The following WNT3 variants were observed in gnomAD, a reference collection of about 807,000 sequenced individuals.
The protein encoded by WNT3 is proto-oncogene Wnt-3.
WNT3 carries 7 observed loss-of-function variants against 34.2 expected under a neutral mutation model. The ratio of observed to expected loss-of-function variants is 0.20; its 90% CI spans 0.12 to 0.38. The LOEUF (loss-of-function observed/expected upper bound fraction) is 0.38, where lower values mean the gene tolerates loss of function less well. Ranked by LOEUF, WNT3 falls within the 10% of genes least tolerant of loss-of-function variation. The pLI, the probability that WNT3 is intolerant of heterozygous loss-of-function variation, is 1.00. For synonymous variants in WNT3, 212 were observed against 211.5 expected, an observed-to-expected ratio of 1.00 and a Z score of -0.02; for missense variants, 267 against 499.8, an observed-to-expected ratio of 0.53 and a Z score of 4.44.
chr17:46,779,103 A>ACACACACACACACACACAC (rs749719578), intron 1 of WNT3, among the ~76,000 whole-genome samples: 49 of 133,656 alleles, frequency 3.7e-4, no homozygotes, highest in African/African-American at 1.3e-3. Flanking sequence ...ACACACACAC[A>ACACACACACACACACACAC]CCCCAGCCCA....
chr17:46,791,692 T>A (rs1048160216), intron 1 of WNT3, among the ~76,000 whole-genome samples: 1 of 152,226 alleles, frequency 6.6e-6, no homozygotes, highest in Non-Finnish European at 1.5e-5. Context: ...CTTACATTCA[T>A]CACAGAAGTA....
intron 1 of WNT3, among the ~76,000 whole-genome samples, chr17:46,780,805 C>A (rs1265704236): frequency 6.6e-6 from 1 of 151,874 alleles, no homozygotes; most frequent in African/African-American, 2.4e-5. Flanking sequence ...ATGGGGACTC[C>A]AACAGACACC....
At chr17:46,812,193 G>T (rs2084284876) in intron 1 of WNT3, among the ~76,000 whole-genome samples, 1 of 152,060 alleles carries the variant, frequency 6.6e-6, no homozygotes, top group African/African-American at 2.4e-5. Context: ...CTCTCACTGA[G>T]AGCAGGGAAT....
intron 1 of WNT3, among the ~76,000 whole-genome samples, chr17:46,815,960 G>A (rs946586401): frequency 3.9e-5 from 6 of 152,214 alleles, no homozygotes; most frequent in Non-Finnish European, 7.4e-5. Flanking sequence ...GATCACAGGC[G>A]GACTCAGACA....
At chr17:46,771,434 C>A (rs1322441280) in intron 2 of WNT3, among the ~76,000 whole-genome samples, 2 of 150,830 alleles carry the variant, frequency 1.3e-5, no homozygotes, top group African/African-American at 4.8e-5. Context: ...CCTGCGGCCT[C>A]TCGCGGCGGC....
intron 1 of WNT3, 134 bp from the exon 2 acceptor site, chr17:46,774,043 A>C: frequency 7.6e-7 from 1 of 1,307,402 alleles, no homozygotes; most frequent in South Asian, 1.3e-5. Context: ...TGAATGTGCT[A>C]CCTTTGACCT....
intron 1 of WNT3, among the ~76,000 whole-genome samples, chr17:46,790,198 T>C (rs2146421104): frequency 6.6e-6 from 1 of 152,298 alleles, no homozygotes; most frequent in East Asian, 1.9e-4. Context: ...GCTTTAGCTC[T>C]GTCCTCTCCT....
At chr17:46,816,843 C>T (rs920814719) in intron 1 of WNT3, among the ~76,000 whole-genome samples, 2 of 152,202 alleles carry the variant, frequency 1.3e-5, no homozygotes, top group Admixed American at 1.3e-4. Context: ...AGGCGAAAAA[C>T]GGCATGGCCT....
rs1428067168 is a variant in WNT3, at chr17:46,770,019, T to C, written c.352A>G (p.Ile118Val). The change falls in exon 3 of 5, where the codon ATC becomes GTC. Residue 118 changes from isoleucine (I) to valine (V), a missense_variant. Around this residue, in one of 3 missense-constraint regions of WNT3, gnomAD observed 181 missense variants for 391.3 expected, o/e 0.46. Coordinates refer to ENST00000225512, the MANE Select transcript of WNT3 (RefSeq NM_030753.5). ...ATRESAFVHA[I>V]ASAGVAFAVT... ...GCGAAGGCCACGCCGGCCGAGGCGA[T>C]GGCGTGAACGAAGGCCGACTCGCGG... is the stretch of plus-strand genomic sequence containing the variant. 1 of 1,579,308 alleles carries C rather than the reference T, an allele frequency of 6.3e-7. No homozygotes were observed. Among genetic ancestry groups the C allele is most frequent in the African/African-American group, 1.3e-5 (1 of 74,434 alleles).
chr17:46,811,963 AAAAG>A (rs985266456), intron 1 of WNT3, among the ~76,000 whole-genome samples: 2 of 152,222 alleles, frequency 1.3e-5, no homozygotes, highest in African/African-American at 2.4e-5. Context: ...TTTCAAGAAA[AAAAG>A]AAAGAAAGAA....
At chr17:46,765,619 T>C (rs1312990919) in intron 4 of WNT3, among the ~76,000 whole-genome samples, 2 of 152,370 alleles carry the variant, frequency 1.3e-5, no homozygotes, top group Admixed American at 6.5e-5. Flanking sequence ...CTGCCATCCC[T>C]GCCAGTGCAT....
rs566495281 is a variant in WNT3 at position 46,793,557 on chromosome 17, G to T, written c.81-19648C>A. Among the ~76,000 whole-genome samples, 20 of 152,316 alleles carry T rather than the reference G, an allele frequency of 1.3e-4. No individual in the cohort carries two copies. The South Asian group carries it at 2.1e-3, about 16-fold the overall frequency. On this transcript the variant is annotated intron_variant, in intron 1 of 4. Transcript: ENST00000225512. ...ACCCACGCCCAAGGCATTGCAGGAG[G>T]AGAGGAGACCCCCGACCTGAGGGCT...
chr17:46,801,209 C>T (rs1251619832), intron 1 of WNT3, among the ~76,000 whole-genome samples: 1 of 152,210 alleles, frequency 6.6e-6, no homozygotes, highest in African/African-American at 2.4e-5. Flanking sequence ...GGCCCATGTG[C>T]TTACCCATGT....
chr17:46,787,172 C>A (rs2059513944), intron 1 of WNT3, among the ~76,000 whole-genome samples: 1 of 152,064 alleles, frequency 6.6e-6, no homozygotes, highest in South Asian at 2.1e-4. Context: ...AACTCCTGGG[C>A]CCAAGCAATC....
intron 1 of WNT3, among the ~76,000 whole-genome samples, chr17:46,817,448 G>T (rs890993438): frequency 6.6e-6 from 1 of 152,218 alleles, no homozygotes; most frequent in Non-Finnish European, 1.5e-5. Context: ...AATGTAGGGG[G>T]CTGGAGACTG....
In WNT3 at chr17:46,797,238, A is replaced by G. The variant is rs1011036; in HGVS notation, c.80+21280T>C. Among the ~76,000 whole-genome samples the G allele has an allele frequency of 5.8e-3, 877 of 152,314 alleles. 7 individuals are homozygous for G. The highest frequency in any genetic ancestry group is 7.3e-3 in the Non-Finnish European group (498 of 68,036). On this transcript the variant is annotated intron_variant, in intron 1 of 4. Transcript: ENST00000225512. ...AACAGGATTATGTGGGGCTGATGTT[A>G]TAAGAAACACACTATGCGATGTCCT...
intron 1 of WNT3, among the ~76,000 whole-genome samples, chr17:46,814,268 T>C (rs142400306): frequency 6.6e-6 from 1 of 152,330 alleles, no homozygotes; most frequent in African/African-American, 2.4e-5. Flanking sequence ...GCCATCCACA[T>C]ACATATTACA....
intron 1 of WNT3, among the ~76,000 whole-genome samples, chr17:46,811,720 C>T (rs1000013309): frequency 1.3e-5 from 2 of 152,206 alleles, no homozygotes; most frequent in East Asian, 1.9e-4. Context: ...TTTGGGAGGC[C>T]GAGGCGGGTG....
chr17:46,808,148 G>A (rs1486388950), intron 1 of WNT3, among the ~76,000 whole-genome samples: 1 of 152,212 alleles, frequency 6.6e-6, no homozygotes, highest in African/African-American at 2.4e-5. Flanking sequence ...TTTCACAGAT[G>A]AGGAAACTGA....
Sources: gnomAD v4.1 joint callset for allele counts (sites outside exome capture counted in the v4.1 genomes callset) on GRCh38, gnomAD v4.1.1 for gene constraint, gnomAD v4.1.1 regional missense constraint, MANE v1.5 for transcripts, NCBI Gene and HGNC (gene_info 2026-07-23, HGNC 2026-07-21) for gene names.